The following PTK2 variants were observed in gnomAD, a reference collection of about 807,000 sequenced individuals.
The protein encoded by PTK2 is focal adhesion kinase 1.
A neutral mutation model predicts 150.1 loss-of-function variants in PTK2; 45 were observed. The ratio of observed to expected loss-of-function variants is 0.30; its 90% CI spans 0.24 to 0.38. The LOEUF is 0.38. PTK2 is among the 10% of genes least tolerant of loss of function. PTK2 has a pLI of 1.00. For missense variants in PTK2, 919 were observed against 1,307.3 expected (o/e 0.70, Z 4.58); for synonymous variants, 432 against 449.2 (o/e 0.96, Z 0.48).
At chr8:141,000,633 C>A (rs2100199799) in intron 1 of PTK2, among the ~76,000 whole-genome samples, 1 of 151,162 alleles carries the variant, frequency 6.6e-6, no homozygotes, top group African/African-American at 2.4e-5. Context: ...CTTCCTCAGG[C>A]CCCTCGGCCT....
At chr8:140,853,180 A>G (rs1416943635) in intron 5 of PTK2, among the ~76,000 whole-genome samples, 2 of 145,442 alleles carry the variant, frequency 1.4e-5, no homozygotes, top group Non-Finnish European at 3.1e-5. Context: ...ACCTTTGCAT[A>G]TGATGTCACA....
intron 2 of PTK2, among the ~76,000 whole-genome samples, chr8:140,902,941 T>TGG (rs1568517402): frequency 9.9e-6 from 1 of 100,838 alleles, no homozygotes; most frequent in Non-Finnish European, 2.1e-5. Flanking sequence ...TTTTTTTTTT[T>TGG]TTTTTTTTTT....
At chr8:140,664,286 A>G (rs1319377489) in intron 31 of PTK2, among the ~76,000 whole-genome samples, 2 of 152,090 alleles carry the variant, frequency 1.3e-5, no homozygotes, top group African/African-American at 4.8e-5. Flanking sequence ...CTGGCCTGGA[A>G]TTTTTTAAGA....
rs1256705998 is a variant in PTK2, at chr8:140,722,669, G to A, written c.2031-4960C>T. Among the ~76,000 whole-genome samples, 4 of 152,160 alleles carry A rather than the reference G, an allele frequency of 2.6e-5. No homozygotes were observed. The East Asian group carries it at 5.8e-4, about 22-fold the overall frequency. ...AGCAAAGAAGGCCTAGCTGGCCTGA[G>A]AGAGAAGCACATCCCTGGTTAGTGG... On this transcript the variant is annotated intron_variant, in intron 22 of 31. Transcript: ENST00000522684.
intron 11 of PTK2, among the ~76,000 whole-genome samples, chr8:140,802,481 T>C (rs1239178392): frequency 6.6e-6 from 1 of 152,208 alleles, no homozygotes; most frequent in Non-Finnish European, 1.5e-5. Context: ...TAAAAGTTAC[T>C]GTAAGCTAAT....
intron 8 of PTK2, among the ~76,000 whole-genome samples, chr8:140,826,872 C>A (rs972462164): frequency 6.6e-6 from 1 of 152,012 alleles, no homozygotes; most frequent in African/African-American, 2.4e-5. Flanking sequence ...GAGCCAAGAT[C>A]GCGCCAATGC....
intron 14 of PTK2, among the ~76,000 whole-genome samples, chr8:140,773,882 C>T (rs562119763): frequency 6.6e-6 from 1 of 152,156 alleles, no homozygotes; most frequent in Non-Finnish European, 1.5e-5. Context: ...ACAATTGCTC[C>T]GGGCCCGGGT....
In PTK2 at chr8:140,686,711, A is replaced by C. The variant is rs1481024008; in HGVS notation, c.2500-17T>G. ...ATCAGGTTTCTGAAGAAATTAAAAC[A>C]AAATCAAAACAATTTCATTTTTGAT... is the stretch of plus-strand genomic sequence containing the variant. On this transcript the variant is annotated splice_polypyrimidine_tract_variant and intron_variant, in intron 26 of 31. Coordinates refer to ENST00000522684, the Ensembl canonical transcript of PTK2. 2 of 1,604,226 alleles carry C rather than the reference A, an allele frequency of 1.2e-6. No homozygotes were observed. Among genetic ancestry groups the C allele is most frequent in the African/African-American group, 2.7e-5 (2 of 74,662 alleles).
chr8:140,696,166 G>T (rs980534919), intron 26 of PTK2, among the ~76,000 whole-genome samples: 3 of 152,144 alleles, frequency 2.0e-5, no homozygotes, highest in Non-Finnish European at 4.4e-5. Context: ...GGGAGCTGGG[G>T]GAGAGTGCTG....
intron 14 of PTK2, among the ~76,000 whole-genome samples, chr8:140,769,367 A>C (rs1442804566): frequency 6.6e-6 from 1 of 152,248 alleles, no homozygotes. Flanking sequence ...ATACAACTCA[A>C]ACTTACCACT....
intron 2 of PTK2, among the ~76,000 whole-genome samples, chr8:140,908,363 G>A (rs541733771): frequency 6.6e-6 from 1 of 152,228 alleles, no homozygotes; most frequent in Admixed American, 6.5e-5. Context: ...AAAAGTACAA[G>A]ATGAAGCAGC....
chr8:140,965,164 T>G (rs1159084969), intron 1 of PTK2, among the ~76,000 whole-genome samples: 1 of 152,250 alleles, frequency 6.6e-6, no homozygotes, highest in Non-Finnish European at 1.5e-5. Flanking sequence ...CCCTTACTTG[T>G]CAAGCCAAGT....
At chr8:140,954,352 G>A (rs956574225) in intron 1 of PTK2, among the ~76,000 whole-genome samples, 3 of 152,142 alleles carry the variant, frequency 2.0e-5, no homozygotes, top group Non-Finnish European at 4.4e-5. Context: ...TTACAAGCAT[G>A]AGCCACTGTG....
At chr8:140,959,584 T>C in intron 1 of PTK2, among the ~76,000 whole-genome samples, 1 of 148,028 alleles carries the variant, frequency 6.8e-6, no homozygotes, top group African/African-American at 2.5e-5. Context: ...TCCGTTCCCC[T>C]CAGAAATGGT....
intron 8 of PTK2, among the ~76,000 whole-genome samples, chr8:140,825,964 C>T (rs1394399442): frequency 6.6e-6 from 1 of 152,158 alleles, no homozygotes; most frequent in African/African-American, 2.4e-5. Context: ...AATTGAGGCA[C>T]ATATATCCCA....
At chr8:140,920,847 C>A (rs747208565) in intron 2 of PTK2, 1 of 1,527,160 alleles carries the variant, frequency 6.5e-7, no homozygotes, top group African/African-American at 1.4e-5. Flanking sequence ...GGACTACATC[C>A]GCTTTTCTCC....
At chr8:140,866,435 T>C (rs962366574) in intron 4 of PTK2, among the ~76,000 whole-genome samples, 14 of 152,190 alleles carry the variant, frequency 9.2e-5, no homozygotes, top group African/African-American at 3.4e-4. Context: ...GTGACGAGCA[T>C]TTTACACAGA....
intron 26 of PTK2, among the ~76,000 whole-genome samples, chr8:140,699,902 AT>A (rs1237081201): frequency 6.6e-6 from 1 of 152,158 alleles, no homozygotes; most frequent in African/African-American, 2.4e-5. Flanking sequence ...AAGATAATAA[AT>A]GGACAGGTCC....
chr8:140,979,109 G>C (rs2100190430), intron 1 of PTK2, among the ~76,000 whole-genome samples: 1 of 122,898 alleles, frequency 8.1e-6, no homozygotes, highest in African/African-American at 3.1e-5. Flanking sequence ...GGGGCCTGTT[G>C]TGGGGTGGGG....
Sources: allele counts gnomAD v4.1 joint callset (sites outside exome capture counted in the v4.1 genomes callset), GRCh38; gene constraint gnomAD v4.1.1; transcripts MANE v1.5; gene names NCBI Gene and HGNC (gene_info 2026-07-23, HGNC 2026-07-21).